Variants in CFAP95 observed in about 807,000 individuals in gnomAD.
CFAP95 encodes cilia- and flagella-associated protein 95.
the CFAP95 span, among the ~76,000 whole-genome samples, chr9:69,895,902 C>G: frequency 2.0e-5 from 3 of 152,126 alleles, no homozygotes; most frequent in Non-Finnish European, 4.4e-5. Flanking sequence ...CTCAAGTGAT[C>G]CTCCTGCCTC....
chr9:69,897,576 A>G, the CFAP95 span, among the ~76,000 whole-genome samples: 1 of 152,226 alleles, frequency 6.6e-6, no homozygotes, highest in Non-Finnish European at 1.5e-5. Context: ...GAAATCCTAT[A>G]TGAATGAGTA....
chr9:69,855,575 T>A, the CFAP95 span, among the ~76,000 whole-genome samples: 5 of 152,142 alleles, frequency 3.3e-5, no homozygotes, highest in Non-Finnish European at 5.9e-5. Flanking sequence ...GAAATTTGGC[T>A]GGGAGGATAG....
the CFAP95 span, among the ~76,000 whole-genome samples, chr9:69,882,117 G>A: frequency 6.6e-6 from 1 of 151,952 alleles, no homozygotes; most frequent in Non-Finnish European, 1.5e-5. Context: ...TGAATAGCTG[G>A]GATTAGAGGT....
At chr9:69,852,019 G>T in the CFAP95 span, among the ~76,000 whole-genome samples, 1 of 152,078 alleles carries the variant, frequency 6.6e-6, no homozygotes, top group South Asian at 2.1e-4. Flanking sequence ...ATTTGCAGAG[G>T]CCTCTCTCGG....
the CFAP95 span, among the ~76,000 whole-genome samples, chr9:69,866,219 G>A: frequency 3.3e-5 from 5 of 152,140 alleles, no homozygotes; most frequent in Non-Finnish European, 7.3e-5. Context: ...AGTATTCTCC[G>A]AGAAACAGAA....
the CFAP95 span, among the ~76,000 whole-genome samples, chr9:69,839,931 G>A: frequency 6.6e-6 from 1 of 151,628 alleles, no homozygotes; most frequent in Non-Finnish European, 1.5e-5. Flanking sequence ...CAGAAAATTA[G>A]CTGGGCACGG....
the CFAP95 span, among the ~76,000 whole-genome samples, chr9:69,869,296 A>G: frequency 1.3e-5 from 2 of 152,194 alleles, no homozygotes; most frequent in African/African-American, 4.8e-5. Context: ...AAAATCCTGC[A>G]ATTTGTGACA....
the CFAP95 span, among the ~76,000 whole-genome samples, chr9:69,822,515 C>A: frequency 9.9e-5 from 15 of 152,210 alleles, no homozygotes; most frequent in African/African-American, 3.4e-4. Flanking sequence ...ATAGGGCTTA[C>A]CTCATAGCTC....
chr9:69,901,445 G>T, the CFAP95 span, among the ~76,000 whole-genome samples: 1 of 152,116 alleles, frequency 6.6e-6, no homozygotes, highest in African/African-American at 2.4e-5. Flanking sequence ...CCGGTGTTTG[G>T]TTTTTTGTCC....
the CFAP95 span, among the ~76,000 whole-genome samples, chr9:69,847,821 G>A: frequency 2.0e-5 from 3 of 152,152 alleles, no homozygotes; most frequent in Non-Finnish European, 4.4e-5. Context: ...GTCCTTAAAT[G>A]CTGCTGCAGG....
At chr9:69,889,585 C>G in the CFAP95 span, among the ~76,000 whole-genome samples, 1 of 152,164 alleles carries the variant, frequency 6.6e-6, no homozygotes, top group African/African-American at 2.4e-5. Flanking sequence ...CCAAATTATT[C>G]TTAAAACCCC....
At chr9:69,830,807 C>T in the CFAP95 span, among the ~76,000 whole-genome samples, 1 of 152,124 alleles carries the variant, frequency 6.6e-6, no homozygotes, top group Non-Finnish European at 1.5e-5. Flanking sequence ...ACCACCATGC[C>T]TGACTAATTT....
chr9:69,888,425 G>C, the CFAP95 span, among the ~76,000 whole-genome samples: 376 of 152,128 alleles, frequency 2.5e-3, 2 homozygotes, highest in African/African-American at 8.8e-3. Flanking sequence ...CTAGAGAAAT[G>C]AGCAAAGGAA....
At chr9:69,839,437 T>G in the CFAP95 span, among the ~76,000 whole-genome samples, 17 of 152,164 alleles carry the variant, frequency 1.1e-4, no homozygotes, top group African/African-American at 4.1e-4. Context: ...ATTCAGAGAT[T>G]CAATTTCTTC....
chr9:69,858,142 A>ACC, the CFAP95 span: 1 of 587,154 alleles, frequency 1.7e-6, no homozygotes, highest in Non-Finnish European at 3.0e-6. Flanking sequence ...TCACATGCAC[A>ACC]ACATTAATAA....
chr9:69,869,104 A>G, the CFAP95 span, among the ~76,000 whole-genome samples: 7 of 152,206 alleles, frequency 4.6e-5, no homozygotes, highest in Non-Finnish European at 1.0e-4. Context: ...TTAAAAATAA[A>G]AAATAGAACT....
the CFAP95 span, among the ~76,000 whole-genome samples, chr9:69,874,193 G>T: frequency 1.4e-5 from 2 of 145,978 alleles, no homozygotes; most frequent in Non-Finnish European, 3.0e-5. Flanking sequence ...TCTGACACAT[G>T]GAGATCAACT....
At chr9:69,898,927 C>A in the CFAP95 span, among the ~76,000 whole-genome samples, 1 of 151,734 alleles carries the variant, frequency 6.6e-6, no homozygotes, top group Non-Finnish European at 1.5e-5. Context: ...GTTATTATAA[C>A]TCTCCTGGCC....
the CFAP95 span, among the ~76,000 whole-genome samples, chr9:69,837,998 C>T: frequency 6.6e-6 from 1 of 152,154 alleles, no homozygotes; most frequent in Non-Finnish European, 1.5e-5. Flanking sequence ...AATCCTTTCC[C>T]CATTGCTTGT....
Sources: allele counts gnomAD v4.1 joint callset (sites outside exome capture counted in the v4.1 genomes callset), GRCh38; gene constraint gnomAD v4.1.1; transcripts MANE v1.5; gene names NCBI Gene and HGNC (gene_info 2026-07-23, HGNC 2026-07-21).